The following ZNF324B variants were observed in gnomAD, a reference collection of about 807,000 sequenced individuals.
The protein encoded by ZNF324B is zinc finger protein 324B.
In ZNF324B, 7 loss-of-function variants were observed where a neutral mutation model predicts 10.6. That is an observed-to-expected ratio of 0.66 (90% CI 0.38 to 1.24). ZNF324B has a LOEUF of 1.24. Among genes scored for constraint, ZNF324B ranks in the 50% most tolerant of loss-of-function variants. The pLI is 0.02. For missense variants in ZNF324B, 640 were observed against 764.7 expected (o/e 0.84, Z 1.92); for synonymous variants, 316 against 321.0 (o/e 0.98, Z 0.17).
the ZNF324B span, chr19:58,433,244 T>A: frequency 4.8e-6 from 7 of 1,450,394 alleles, no homozygotes; most frequent in Non-Finnish European, 6.5e-6. Flanking sequence ...AGGTAATTTT[T>A]CTGGTATGGG....
intron 3 of ZNF324B, among the ~76,000 whole-genome samples, chr19:58,454,765 G>A (rs2052896690): frequency 6.6e-6 from 1 of 152,230 alleles, no homozygotes; most frequent in Non-Finnish European, 1.5e-5. Flanking sequence ...GAGTACGTAG[G>A]ATTCAGGAGT....
chr19:58,449,228 T>C (rs1024989876), upstream of ZNF324B, among the ~76,000 whole-genome samples: 12 of 152,246 alleles, frequency 7.9e-5, no homozygotes, highest in African/African-American at 2.9e-4. Context: ...ACTCAAGAAC[T>C]GAGGTTTGGG....
the ZNF324B span, chr19:58,435,030 C>G: frequency 5.0e-6 from 8 of 1,614,196 alleles, no homozygotes; most frequent in Non-Finnish European, 6.8e-6. Context: ...AGGGTTTCTC[C>G]TCAGACTGTG....
At chr19:58,442,787 A>AG in the ZNF324B span, 2 of 152,340 alleles carry the variant, frequency 1.3e-5, no homozygotes, top group African/African-American at 4.8e-5. Flanking sequence ...TGGCTTCAGG[A>AG]GTGAAGCTGC....
At position 58,454,278 on chromosome 19, in the gene ZNF324B, G is replaced by C. The variant is rs1304267804; in HGVS notation, c.172G>C (p.Glu58Gln). 5 of 1,614,014 alleles carry C rather than the reference G, an allele frequency of 3.1e-6. No individual in the cohort carries two copies. The highest frequency in any genetic ancestry group is 4.2e-6 in the Non-Finnish European group (5 of 1,180,014). The change falls in exon 3 of 4, where the codon GAG (glutamate) becomes CAG (glutamine). Residue 58 changes from glutamate to glutamine, a missense_variant. Glu to Gln is a conservative substitution (Grantham distance 29). Around this residue, in one of 3 missense-constraint regions of ZNF324B, gnomAD observed 345 missense variants for 387.9 expected, o/e 0.89. Transcript: ENST00000336614. ...RVVIQLERGE[E>Q]PWVPSGKDMT... is the part of the protein sequence containing the mutation. ...GGTCATTCAACTTGAGCGTGGCGAG[G>C]AGCCCTGGGTTCCCAGTGGAAAGGA...
chr19:58,455,858 G>T lies in ZNF324B; in HGVS notation c.914G>T (p.Arg305Leu), dbSNP rs1434059204. 1.2e-6 allele frequency: 2 copies of T among 1,612,880 alleles called. No homozygotes were observed. Among genetic ancestry groups the T allele is most frequent in the African/African-American group, 2.7e-5 (2 of 74,864 alleles). ...SQTSHLTQHQ[R>L]IHSGETPYAC... Reference sequence around the variant, plus strand: ...ACGTCGCACTTGACGCAGCACCAGCGCATCCACAGCGGCGAGACGCCCTAC... The same window carrying T: ...ACGTCGCACTTGACGCAGCACCAGCTCATCCACAGCGGCGAGACGCCCTAC... The change falls in exon 4 of 4, where the codon CGC becomes CTC. Residue 305 changes from arginine to leucine, a missense_variant. Coordinates refer to ENST00000336614, the MANE Select transcript of ZNF324B (RefSeq NM_207395.3). This position sits in a 1 kb window ranked among gnomAD's most constrained non-coding sequence, Gnocchi z 7.0.
chr19:58,438,690 G>A, the ZNF324B span, among the ~76,000 whole-genome samples: 1 of 151,578 alleles, frequency 6.6e-6, no homozygotes, highest in East Asian at 1.9e-4. Context: ...AGCCAGGATG[G>A]TCTCAATCTC....
the ZNF324B span, chr19:58,441,814 C>A: frequency 6.6e-6 from 1 of 152,350 alleles, no homozygotes; most frequent in African/African-American, 2.4e-5. Context: ...CATCTGTCTG[C>A]CCATTGGCTT....
chr19:58,424,026 G>A, the ZNF324B span, among the ~76,000 whole-genome samples: 3 of 151,742 alleles, frequency 2.0e-5, no homozygotes, highest in Non-Finnish European at 4.4e-5. Flanking sequence ...GATCACCAGA[G>A]GTCAGGAGTT....
chr19:58,445,759 G>A, the ZNF324B span: 1 of 309,604 alleles, frequency 3.2e-6, no homozygotes, highest in East Asian at 9.8e-5. Context: ...AGGTTGCAGT[G>A]AGCTGAGTTA....
At chr19:58,448,866 C>T (rs2052838696), upstream of ZNF324B, among the ~76,000 whole-genome samples, 1 of 152,182 alleles carries the variant, frequency 6.6e-6, no homozygotes, top group African/African-American at 2.4e-5. Context: ...AAATTTGCAG[C>T]CTGACCATGC....
At chr19:58,433,623 G>C in the ZNF324B span, 1 of 1,614,194 alleles carries the variant, frequency 6.2e-7, no homozygotes, top group African/African-American at 1.3e-5. Flanking sequence ...TTCGGCTAAA[G>C]AATTTCCCAC....
At chr19:58,425,696 C>T in the ZNF324B span, among the ~76,000 whole-genome samples, 1 of 152,078 alleles carries the variant, frequency 6.6e-6, no homozygotes, top group Non-Finnish European at 1.5e-5. Flanking sequence ...GTCTCAAACT[C>T]CCAACCTCAG....
At chr19:58,439,017 G>A in the ZNF324B span, among the ~76,000 whole-genome samples, 1 of 149,814 alleles carries the variant, frequency 6.7e-6, no homozygotes. Context: ...CAAGTGATCT[G>A]GCCGCCTTGG....
At chr19:58,440,234 C>G in the ZNF324B span, 6 of 257,174 alleles carry the variant, frequency 2.3e-5, 1 homozygote, top group South Asian at 1.6e-4. Context: ...AGGATCCCCG[C>G]CGTCTATGAC....
rs140339914 is a variant in ZNF324B, at chr19:58,456,870, C to T, written c.*291C>T. The T allele has an allele frequency of 1.2e-3, 597 of 517,790 alleles. No individual in the cohort carries two copies. The highest frequency in any genetic ancestry group is 1.5e-3 in the Non-Finnish European group (423 of 288,150). 32.1% of individuals were successfully genotyped at this position (517,790 alleles called of 1,614,324 possible). A position where few individuals can be genotyped will look rare whatever the true frequency, so the allele number is the denominator to read the frequency against. ...GGCTGTAGTTGGGGCCATAGGACGC[C>T]GACAAAGGCAGCGCTGCATGGTGGT... On this transcript the variant is annotated 3_prime_UTR_variant, in exon 4 of 4. Transcript: ENST00000336614. This position sits in a 1 kb window ranked among gnomAD's most constrained non-coding sequence, Gnocchi z 4.7.
chr19:58,422,006 G>A, the ZNF324B span, among the ~76,000 whole-genome samples: 29 of 151,954 alleles, frequency 1.9e-4, no homozygotes, highest in Non-Finnish European at 3.4e-4. Context: ...CAACCTCCGC[G>A]TCCCGGGTTC....
rs1231976778 is a variant in ZNF324B at position 58,453,734 on chromosome 19, C to G, written c.33C>G (p.Ser11=). The G allele has an allele frequency of 5.0e-6, 8 of 1,614,096 alleles. No individual in the cohort carries two copies. The highest frequency in any genetic ancestry group is 6.8e-6 in the Non-Finnish European group (8 of 1,180,032). The part of the protein sequence containing the change: MTFEDVAVYF[S]QEEWGLLDTA... ...TCGAGGATGTGGCCGTGTACTTCTC[C>G]CAGGAGGAGTGGGGGCTCCTGGACA... Residue 11 remains serine, a synonymous_variant, in exon 2 of 4, where the codon TCC becomes TCG. Coordinates refer to ENST00000336614, the MANE Select transcript of ZNF324B (RefSeq NM_207395.3).
At chr19:58,435,261 G>C in the ZNF324B span, 2 of 1,560,800 alleles carry the variant, frequency 1.3e-6, no homozygotes, top group African/African-American at 1.4e-5. Flanking sequence ...TGGTGGGAAT[G>C]GTTGACTTCA....
Sources: allele counts gnomAD v4.1 joint callset (sites outside exome capture counted in the v4.1 genomes callset), GRCh38; gene constraint gnomAD v4.1.1; regional missense constraint gnomAD v4.1.1; non-coding constraint Gnocchi (gnomAD v3.1); transcripts MANE v1.5; gene names NCBI Gene and HGNC (gene_info 2026-07-23, HGNC 2026-07-21).